Variants in SP140L observed in about 807,000 individuals in gnomAD.
The protein encoded by SP140L is nuclear body protein SP140-like protein.
Under a neutral mutation model 84.3 loss-of-function variants are expected in SP140L, and 64 were observed. That is an observed-to-expected ratio of 0.76 (90% confidence interval 0.62 to 0.94). The LOEUF is 0.94. Among genes scored for constraint, SP140L ranks in the 40% least tolerant of loss-of-function variants. The pLI is 0.00. For synonymous variants in SP140L, 242 were observed against 236.9 expected (o/e 1.02, Z -0.20); for missense variants, 628 against 692.5 (o/e 0.91, Z 1.05).
At chr2:230,359,217 A>G in intron 4 of SP140L, 85 bp downstream of exon 4, 1 of 1,226,526 alleles carries the variant, frequency 8.2e-7, no homozygotes, top group African/African-American at 1.5e-5. Context: ...CATGTGCGAT[A>G]CATTGTGTTG....
chr2:230,358,099 G>A, intron 3 of SP140L, 132 bp downstream of exon 3: 1 of 1,078,586 alleles, frequency 9.3e-7, no homozygotes, highest in Non-Finnish European at 1.3e-6. Context: ...TTCCAGCTGA[G>A]GAAATGGTGT....
intron 2 of SP140L, among the ~76,000 whole-genome samples, chr2:230,336,137 A>C (rs1326357666): frequency 6.6e-6 from 1 of 152,172 alleles, no homozygotes; most frequent in Non-Finnish European, 1.5e-5. Context: ...AATATGGTTA[A>C]TCCAGAATTG....
At chr2:230,389,840 C>CT in intron 10 of SP140L, 79 bp from the exon 11 acceptor site, 1 of 1,361,346 alleles carries the variant, frequency 7.3e-7, no homozygotes, top group Non-Finnish European at 1.0e-6. Context: ...CTCTTTGTGC[C>CT]TTTATAGGAT....
chr2:230,392,164 G>A lies in SP140L; in HGVS notation c.1042G>A (p.Ala348Thr), dbSNP rs114536137. Residue 348 changes from alanine (A) to threonine (T), a missense_variant, in exon 12 of 19, where the codon GCA (alanine) becomes ACA (threonine). Around this residue, in one of 4 missense-constraint regions of SP140L, gnomAD observed 525 missense variants for 518.4 expected, o/e 1.01. Coordinates refer to ENST00000415673, the MANE Select transcript of SP140L (RefSeq NM_138402.6). ...GGAATTTGAAATCAAAGGAGGCTAC[G>A]CAAGATCAAAGAACTGGAGGCTGAG... ...PMEFEIKGGY[A>T]RSKNWRLSVR... is the part of the protein sequence containing the mutation. 1.9e-4 allele frequency: 308 copies of A among 1,614,090 alleles called. 1 individual carries two copies. In the African/African-American group the frequency reaches 3.3e-3, roughly 17 times the overall value.
At chr2:230,369,526 T>C (rs1474547630) in intron 5 of SP140L, among the ~76,000 whole-genome samples, 1 of 152,202 alleles carries the variant, frequency 6.6e-6, no homozygotes, top group Non-Finnish European at 1.5e-5. Flanking sequence ...GCTGATTTTA[T>C]ATAGAGTTTT....
chr2:230,368,177 T>C (rs984084897), intron 5 of SP140L, among the ~76,000 whole-genome samples: 1 of 152,222 alleles, frequency 6.6e-6, no homozygotes, highest in African/African-American at 2.4e-5. Context: ...TAATGAACTT[T>C]CTTAGCTTTT....
intron 2 of SP140L, among the ~76,000 whole-genome samples, chr2:230,354,894 A>AAAGG (rs1553617630): frequency 9.4e-5 from 14 of 148,562 alleles, no homozygotes; most frequent in Non-Finnish European, 1.9e-4. Context: ...AGAAAGAAAG[A>AAAGG]AAGGAAAGAG....
intron 5 of SP140L, among the ~76,000 whole-genome samples, chr2:230,364,249 A>G (rs1211235489): frequency 6.6e-6 from 1 of 152,092 alleles, no homozygotes; most frequent in Non-Finnish European, 1.5e-5. Context: ...AGCACTGTGG[A>G]TAGTATGAAC....
intron 7 of SP140L, 87 bp from the exon 8 acceptor site, chr2:230,383,423 A>T: frequency 7.1e-7 from 1 of 1,414,288 alleles, no homozygotes; most frequent in South Asian, 1.4e-5. Context: ...CAAAGTATGA[A>T]AAAATCTTGT....
chr2:230,401,025 G>C lies in SP140L; in HGVS notation c.1384G>C (p.Glu462Gln). The change falls in exon 16 of 19, where the codon GAG (glutamate) becomes CAG (glutamine). Residue 462 changes from glutamate (E) to glutamine (Q), a missense_variant. Physicochemically the swap from Glu to Gln is conservative, Grantham distance 29 (BLOSUM62 2). Around this residue, in one of 4 missense-constraint regions of SP140L, gnomAD observed 52 missense variants for 87.0 expected, o/e 0.60. Coordinates refer to ENST00000415673, the MANE Select transcript of SP140L (RefSeq NM_138402.6). ...AAGCCAACAGTGTTGTCAGGAATCT[G>C]AGGTCCTGGAGAGGCAGATGTGTCC... ...PGSQQCCQES[E>Q]VLERQMCPEE... The C allele has an allele frequency of 6.9e-7, 1 of 1,456,156 alleles. No individual in the cohort carries two copies. The highest frequency in any genetic ancestry group is 1.4e-5 in the African/African-American group (1 of 70,106). 90.2% of individuals were successfully genotyped at this position (1,456,156 alleles called of 1,614,324 possible).
At chr2:230,389,787 A>C (rs564759544) in intron 10 of SP140L, 132 bp from the exon 11 acceptor site, 2 of 876,464 alleles carry the variant, frequency 2.3e-6, no homozygotes, top group Admixed American at 5.8e-5. Flanking sequence ...TGGAAGAAAG[A>C]CTTTGAAACT....
chr2:230,392,747 T>C (rs564254716), intron 12 of SP140L, among the ~76,000 whole-genome samples: 5 of 152,328 alleles, frequency 3.3e-5, no homozygotes, highest in African/African-American at 1.2e-4. Flanking sequence ...AGTGAAATCT[T>C]CTGAGATTGG....
chr2:230,395,369 G>A (rs974540622), intron 13 of SP140L, among the ~76,000 whole-genome samples: 5 of 152,038 alleles, frequency 3.3e-5, no homozygotes, highest in Admixed American at 2.0e-4. Flanking sequence ...CTTGAGCTCA[G>A]GAATTTGAGA....
At chr2:230,373,269 A>G (rs2061144046) in intron 7 of SP140L, among the ~76,000 whole-genome samples, 1 of 152,258 alleles carries the variant, frequency 6.6e-6, no homozygotes, top group Admixed American at 6.5e-5. Flanking sequence ...ACAGATTTAC[A>G]GTGTAGACTA....
At chr2:230,373,106 A>T (rs892032076) in intron 7 of SP140L, among the ~76,000 whole-genome samples, 2 of 152,224 alleles carry the variant, frequency 1.3e-5, no homozygotes, top group Non-Finnish European at 2.9e-5. Context: ...GAAAAGTCTG[A>T]AGGTAACACC....
At chr2:230,394,125 C>A (rs895953574) in intron 13 of SP140L, among the ~76,000 whole-genome samples, 1 of 152,132 alleles carries the variant, frequency 6.6e-6, no homozygotes, top group Non-Finnish European at 1.5e-5. Flanking sequence ...AGGAGCTGAC[C>A]AGGAAAATCT....
At chr2:230,363,068 T>A (rs1360112759) in intron 5 of SP140L, among the ~76,000 whole-genome samples, 1 of 152,158 alleles carries the variant, frequency 6.6e-6, no homozygotes, top group African/African-American at 2.4e-5. Context: ...TTTATTGAGG[T>A]ATTAAGTGCA....
intron 2 of SP140L, among the ~76,000 whole-genome samples, chr2:230,336,061 A>T (rs928517217): frequency 1.3e-5 from 2 of 152,194 alleles, no homozygotes; most frequent in Non-Finnish European, 2.9e-5. Flanking sequence ...CCATCATAAG[A>T]GGAGGGATTT....
intron 1 of SP140L, among the ~76,000 whole-genome samples, chr2:230,328,087 TCACTCTGTCAACCAGGCTGGAGTG>T (rs2059630588): frequency 6.6e-6 from 1 of 152,214 alleles, no homozygotes; most frequent in South Asian, 2.1e-4. Context: ...AGACAGGGTC[TCACTCTGTCAACCAGGCTGGAGTG>T]CAGTGGCACA....
Sources: allele counts gnomAD v4.1 joint callset (sites outside exome capture counted in the v4.1 genomes callset), GRCh38; gene constraint gnomAD v4.1.1; regional missense constraint gnomAD v4.1.1; transcripts MANE v1.5; gene names NCBI Gene and HGNC (gene_info 2026-07-23, HGNC 2026-07-21).